The following ZNF536 variants were observed in gnomAD, a reference collection of about 807,000 sequenced individuals.
ZNF536 encodes the protein zinc finger protein 536.
A neutral mutation model predicts 84.5 loss-of-function variants in ZNF536; 13 were observed. That is an observed-to-expected ratio of 0.15 (90% CI 0.10 to 0.24). ZNF536 has a LOEUF of 0.24. ZNF536 is among the 10% of genes least tolerant of loss of function. ZNF536 has a pLI of 1.00. For synonymous variants in ZNF536, 811 were observed against 742.5 expected (o/e 1.09, Z -1.50); for missense variants, 1,536 against 1,747.5 (o/e 0.88, Z 2.16).
intron 1 of ZNF536, among the ~76,000 whole-genome samples, chr19:30,694,430 G>A (rs1473503347): frequency 7.9e-5 from 12 of 152,142 alleles, no homozygotes; most frequent in Admixed American, 7.9e-4. Context: ...CAAAGAAAGT[G>A]CAATACTGGC....
At chr19:30,565,730 C>G (rs999616810) in intron 1 of ZNF536, among the ~76,000 whole-genome samples, 2 of 152,174 alleles carry the variant, frequency 1.3e-5, no homozygotes, top group Non-Finnish European at 2.9e-5. Context: ...TGCCTGCTGT[C>G]TGCTCTTGCT....
intron 2 of ZNF536, among the ~76,000 whole-genome samples, chr19:30,522,072 C>T (rs1452489807): frequency 1.3e-5 from 2 of 151,416 alleles, no homozygotes; most frequent in African/African-American, 4.9e-5. Context: ...GGGCACCACC[C>T]AGGGCTTCTG....
chr19:30,233,969 G>C (rs2023278233), intron 1 of ZNF536, among the ~76,000 whole-genome samples: 1 of 152,156 alleles, frequency 6.6e-6, no homozygotes, highest in Non-Finnish European at 1.5e-5. Context: ...GGGGCTGGTA[G>C]GGCCAAAGCA....
At chr19:30,466,994 C>A (rs1480831417) in intron 2 of ZNF536, among the ~76,000 whole-genome samples, 1 of 152,138 alleles carries the variant, frequency 6.6e-6, no homozygotes, top group Non-Finnish European at 1.5e-5. Flanking sequence ...GTGCCCACCG[C>A]CACACCTGGC....
chr19:30,710,377 AAAAC>A (rs535100773), intron 1 of ZNF536, among the ~76,000 whole-genome samples: 4 of 152,152 alleles, frequency 2.6e-5, no homozygotes, highest in African/African-American at 7.2e-5. Flanking sequence ...TCCTGTCTCT[AAAAC>A]AAACAAACAA....
At chr19:30,680,024 G>T (rs1004076065) in intron 1 of ZNF536, among the ~76,000 whole-genome samples, 1 of 152,062 alleles carries the variant, frequency 6.6e-6, no homozygotes, top group African/African-American at 2.4e-5. Flanking sequence ...GAGGGAGGGA[G>T]GGGTAAGGGA....
intron 2 of ZNF536, among the ~76,000 whole-genome samples, chr19:30,527,726 A>C (rs1482765956): frequency 6.6e-6 from 1 of 152,156 alleles, no homozygotes; most frequent in Non-Finnish European, 1.5e-5. Context: ...AAAAAATAAA[A>C]GGGCCAGTTG....
Position 30,502,832 on chromosome 19 carries a change from C to T in ZNF536, c.2171-32015C>T, listed in dbSNP as rs539807979. On this transcript the variant is annotated intron_variant, in intron 2 of 4. Coordinates refer to ENST00000355537, the MANE Select transcript of ZNF536 (RefSeq NM_014717.3). ...CTTGGGGACACTGCTGCCCCCTGTC[C>T]CATTTAAAGTTGGATTTCTACCTCA... 4.6e-5 allele frequency among the ~76,000 whole-genome samples: 7 copies of T among 152,138 alleles called. No homozygotes were observed. In the East Asian group the frequency reaches 1.4e-3, roughly 29 times the overall value.
chr19:30,441,742 C>T (rs1297473118), intron 1 of ZNF536, among the ~76,000 whole-genome samples: 1 of 152,260 alleles, frequency 6.6e-6, no homozygotes, highest in East Asian at 1.9e-4. Flanking sequence ...ACGCTTTGCA[C>T]AGTTGTGCAT....
At chr19:30,303,396 G>A (rs1416448644) in intron 2 of ZNF536, among the ~76,000 whole-genome samples, 1 of 152,212 alleles carries the variant, frequency 6.6e-6, no homozygotes, top group Non-Finnish European at 1.5e-5. Flanking sequence ...GGGCCTTGGC[G>A]CTGCCTCCAG....
At chr19:30,235,727 AATGTCTTCCAAATTAT>A (rs2023442735) in intron 1 of ZNF536, among the ~76,000 whole-genome samples, 1 of 152,242 alleles carries the variant, frequency 6.6e-6, no homozygotes, top group South Asian at 2.1e-4. Flanking sequence ...CAAATCAGGC[AATGTCTTCCAAATTAT>A]TATGGAAAGG....
Position 30,698,796 on chromosome 19 carries a change from G to A in ZNF536, c.170-11961G>A, listed in dbSNP as rs76199499. The stretch of plus-strand genomic sequence containing the variant: ...TTACTCTCCCGTCCCTTTCCATACT[G>A]TACTCTTTGGAAGGAAGTCACTTGG... On this transcript the variant is annotated intron_variant, in intron 1 of 1. Transcript: ENST00000592773. 9.6e-3 allele frequency among the ~76,000 whole-genome samples: 1,467 copies of A among 152,264 alleles called. 35 individuals carry two copies. Among genetic ancestry groups the A allele is most frequent in the African/African-American group, 0.033 (1,390 of 41,546 alleles).
chr19:30,655,155 C>T (rs1328031783), intron 1 of ZNF536, among the ~76,000 whole-genome samples: 3 of 152,162 alleles, frequency 2.0e-5, no homozygotes, highest in Non-Finnish European at 4.4e-5. Flanking sequence ...TTAAATAAAT[C>T]TCACATGAGT....
At chr19:30,704,255 G>A (rs17615429) in intron 1 of ZNF536, among the ~76,000 whole-genome samples, 25,311 of 152,112 alleles carry the variant, frequency 0.17, 2,367 homozygotes, top group Middle Eastern at 0.23. Context: ...AACATTGATG[G>A]ACATTAGCAT....
intron 3 of ZNF536, among the ~76,000 whole-genome samples, chr19:30,540,100 C>T (rs1011406238): frequency 6.6e-6 from 1 of 152,122 alleles, no homozygotes; most frequent in South Asian, 2.1e-4. Flanking sequence ...GGAATGGATC[C>T]GCACAGGGAA....
intron 1 of ZNF536, among the ~76,000 whole-genome samples, chr19:30,373,474 C>T (rs1377114635): frequency 6.6e-6 from 1 of 151,878 alleles, no homozygotes; most frequent in Non-Finnish European, 1.5e-5. Flanking sequence ...TAAAATGCAG[C>T]CTGTCAAAGA....
upstream of ZNF536, among the ~76,000 whole-genome samples, chr19:30,371,210 T>C (rs2048601079): frequency 6.6e-6 from 1 of 152,250 alleles, no homozygotes; most frequent in Admixed American, 6.5e-5. Context: ...GCCACCTCTT[T>C]GTTTTTTAAA....
intron 2 of ZNF536, among the ~76,000 whole-genome samples, chr19:30,349,233 C>T (rs191580343): frequency 1.3e-5 from 2 of 152,226 alleles, no homozygotes; most frequent in African/African-American, 2.4e-5. Flanking sequence ...AGACAGTGTT[C>T]CAAGTATCTG....
In ZNF536 at chr19:30,485,862, C is replaced by T. The variant is rs1032345147; in HGVS notation, c.2170+40130C>T. 2.6e-5 allele frequency among the ~76,000 whole-genome samples: 4 copies of T among 151,890 alleles called. No individual in the cohort carries two copies. In the South Asian group the frequency reaches 6.3e-4, roughly 24 times the overall value. ...TTCTTAATTTGGGATACCTCATTAG[C>T]AAAAAATATCAAATTTCAGAGAAAG... On this transcript the variant is annotated intron_variant, in intron 2 of 4. Coordinates refer to ENST00000355537, the MANE Select transcript of ZNF536 (RefSeq NM_014717.3).
Sources: gnomAD v4.1 joint callset for allele counts (sites outside exome capture counted in the v4.1 genomes callset) on GRCh38, gnomAD v4.1.1 for gene constraint, MANE v1.5 for transcripts, NCBI Gene and HGNC (gene_info 2026-07-23, HGNC 2026-07-21) for gene names.